The following BRD9 variants were observed in gnomAD, a reference collection of about 807,000 sequenced individuals.
BRD9 encodes bromodomain containing 9.
In BRD9, 47 loss-of-function variants were observed where a neutral mutation model predicts 68.7. The ratio of observed to expected loss-of-function variants is 0.68; its 90% confidence interval spans 0.54 to 0.87. The LOEUF is 0.87. Ranked by LOEUF, BRD9 falls within the 40% of genes least tolerant of loss-of-function variation. The pLI, the probability that BRD9 is intolerant of heterozygous loss-of-function variation, is 0.00. For missense variants in BRD9, 670 were observed against 748.4 expected (o/e 0.90, Z 1.22); for synonymous variants, 313 against 293.9 (o/e 1.06, Z -0.67).
At chr5:887,180 T>C (rs890293325) in intron 6 of BRD9, among the ~76,000 whole-genome samples, 181 bp downstream of exon 6, 12 of 152,214 alleles carry the variant, frequency 7.9e-5, no homozygotes, top group Admixed American at 3.9e-4. Flanking sequence ...AATGAGATGT[T>C]ACAGCTAGGT....
intron 5 of BRD9, 105 bp downstream of exon 5, chr5:888,916 G>C: frequency 8.0e-7 from 1 of 1,244,216 alleles, no homozygotes; most frequent in Non-Finnish European, 1.1e-6. Context: ...AGAAACACCT[G>C]TGAAAGCTCA....
intron 7 of BRD9, among the ~76,000 whole-genome samples, chr5:886,286 G>A (rs953487693): frequency 5.3e-5 from 8 of 152,248 alleles, no homozygotes; most frequent in African/African-American, 1.7e-4. Context: ...GGCAGGCGCT[G>A]TGCAGGGGAG....
chr5:887,500 G>A, intron 5 of BRD9, 29 bp from the exon 6 acceptor site: 2 of 1,546,166 alleles, frequency 1.3e-6, no homozygotes, highest in Non-Finnish European at 1.8e-6. Context: ...AGACTTATCA[G>A]GTTTGAAATG....
intron 12 of BRD9, among the ~76,000 whole-genome samples, chr5:874,833 A>C (rs1028693021): frequency 1.2e-4 from 19 of 152,264 alleles, no homozygotes; most frequent in Non-Finnish European, 2.1e-4. Context: ...CAACAGCATC[A>C]GAAACTAATC....
chr5:869,923 T>A (rs750378375), intron 14 of BRD9, among the ~76,000 whole-genome samples: 2 of 152,238 alleles, frequency 1.3e-5, no homozygotes, highest in South Asian at 4.1e-4. Context: ...CCTGGGACTG[T>A]GTCACAGCCA....
Position 891,650 on chromosome 5 carries a change from C to T in BRD9, c.257G>A (p.Arg86Lys). ...KEKHLDDEER[R>K]KRKEEKKRKR... ...CCGCTGCTCCTTTACCTTTCGCTTCCTTCTTTCCTCATCGTCCAGATGCTT... is the reference window on the plus strand; with the variant it reads ...CCGCTGCTCCTTTACCTTTCGCTTCTTTCTTTCCTCATCGTCCAGATGCTT... The change falls in exon 2 of 16, where the codon AGG becomes AAG. Residue 86 changes from arginine to lysine, a missense_variant. Arg to Lys is a conservative substitution (Grantham distance 26). Around this residue, in one of 5 missense-constraint regions of BRD9, gnomAD observed 161 missense variants for 148.1 expected, o/e 1.09. Transcript: ENST00000467963. 2 of 1,551,384 alleles carry T rather than the reference C, an allele frequency of 1.3e-6. No homozygotes were observed. Among genetic ancestry groups the T allele is most frequent in the Non-Finnish European group, 1.7e-6 (2 of 1,147,010 alleles).
chr5:878,572 G>A, intron 10 of BRD9, 85 bp from the exon 11 acceptor site: 1 of 1,582,444 alleles, frequency 6.3e-7, no homozygotes, highest in Non-Finnish European at 8.6e-7. Context: ...GGGGCTGAGG[G>A]ACCGCCTGGC....
At chr5:875,513 A>C (rs1355015299) in intron 12 of BRD9, among the ~76,000 whole-genome samples, 2 of 151,960 alleles carry the variant, frequency 1.3e-5, no homozygotes, top group African/African-American at 4.8e-5. Flanking sequence ...ACGCCCAGCT[A>C]ATTTTTTCTA....
intron 3 of BRD9, among the ~76,000 whole-genome samples, chr5:890,349 G>C (rs1157507836): frequency 6.6e-6 from 1 of 152,116 alleles, no homozygotes; most frequent in African/African-American, 2.4e-5. Context: ...CCCACTCCCT[G>C]ATGTCCCATG....
chr5:891,084 C>G, intron 3 of BRD9, 71 bp downstream of exon 3: 2 of 1,470,368 alleles, frequency 1.4e-6, no homozygotes, highest in Non-Finnish European at 1.8e-6. Context: ...AGCAACAGGA[C>G]ACGGTGCCGA....
chr5:876,335 G>A, intron 11 of BRD9, 123 bp from the exon 12 acceptor site: 1 of 666,198 alleles, frequency 1.5e-6, no homozygotes, highest in South Asian at 1.9e-5. Flanking sequence ...CCCTCCCAGA[G>A]CGGGTATTTT....
intron 3 of BRD9, 71 bp downstream of exon 3, chr5:891,084 C>A (rs913694641): frequency 2.0e-6 from 3 of 1,470,250 alleles, no homozygotes; most frequent in African/African-American, 2.8e-5. Flanking sequence ...AGCAACAGGA[C>A]ACGGTGCCGA....
intron 3 of BRD9, 174 bp from the exon 4 acceptor site, chr5:889,821 G>A: frequency 2.2e-6 from 3 of 1,384,994 alleles, no homozygotes; most frequent in African/African-American, 1.5e-5. Flanking sequence ...AGCTCAGCCG[G>A]GTAGAAAGGG....
chr5:874,359 T>C (rs141921226), intron 12 of BRD9, among the ~76,000 whole-genome samples: 10 of 152,364 alleles, frequency 6.6e-5, no homozygotes, highest in South Asian at 2.1e-4. Context: ...TATTCCAACA[T>C]GTGGGCCATA....
At chr5:883,793 C>T (rs1323132180) in intron 8 of BRD9, 145 bp downstream of exon 8, 2 of 1,165,232 alleles carry the variant, frequency 1.7e-6, no homozygotes, top group African/African-American at 1.5e-5. Context: ...TTATGTGTGT[C>T]TGATCCGGAC....
intron 14 of BRD9, chr5:869,361 CT>C (rs1749807984): frequency 2.2e-6 from 1 of 456,230 alleles, no homozygotes; most frequent in Non-Finnish European, 4.4e-6. Flanking sequence ...TCCGATCCGA[CT>C]TTAGTACAGC....
chr5:883,224 A>G, intron 8 of BRD9: 1 of 428,944 alleles, frequency 2.3e-6, no homozygotes, highest in Non-Finnish European at 4.7e-6. Context: ...ATCCCATCCC[A>G]TGTGCATTTT....
At chr5:886,270 G>C (rs1239300892) in intron 7 of BRD9, among the ~76,000 whole-genome samples, 1 of 152,240 alleles carries the variant, frequency 6.6e-6, no homozygotes, top group Non-Finnish European at 1.5e-5. Context: ...CACAGCCTTG[G>C]CTGCCGGCAG....
At chr5:883,038 C>G (rs531143051) in intron 8 of BRD9, 1 of 347,134 alleles carries the variant, frequency 2.9e-6, no homozygotes, top group South Asian at 2.2e-5. Flanking sequence ...GCAAGCCATA[C>G]AGACCACTGC....
Sources: allele counts gnomAD v4.1 joint callset (sites outside exome capture counted in the v4.1 genomes callset), GRCh38; gene constraint gnomAD v4.1.1; regional missense constraint gnomAD v4.1.1; transcripts MANE v1.5; gene names NCBI Gene and HGNC (gene_info 2026-07-23, HGNC 2026-07-21).